Variants in SGCZ observed in about 807,000 individuals in gnomAD.
SGCZ encodes the protein sarcoglycan zeta.
SGCZ carries 40 observed loss-of-function variants against 41.3 expected under a neutral mutation model. The ratio of observed to expected loss-of-function variants is 0.97; its 90% confidence interval spans 0.75 to 1.26. SGCZ has a LOEUF of 1.26. SGCZ is among the 50% of genes most tolerant of loss of function. The pLI is 0.00. For missense variants in SGCZ, 552 were observed against 369.8 expected, an observed-to-expected ratio of 1.49 and a Z score of -4.04; for synonymous variants, 206 against 137.5, an observed-to-expected ratio of 1.50 and a Z score of -3.49.
intron 4 of SGCZ, among the ~76,000 whole-genome samples, chr8:14,221,395 T>G (rs1233712171): frequency 6.6e-6 from 1 of 152,186 alleles, no homozygotes; most frequent in African/African-American, 2.4e-5. Context: ...GGAGAGGCAA[T>G]TGTTGTTTTT....
intron 1 of SGCZ, among the ~76,000 whole-genome samples, chr8:15,192,411 G>C (rs7015348): frequency 3.3e-5 from 5 of 151,988 alleles, no homozygotes; most frequent in Admixed American, 3.3e-4. Flanking sequence ...AGTTTGTTTC[G>C]TTTTAGTACA....
chr8:14,675,550 T>A (rs1808248793), intron 1 of SGCZ, among the ~76,000 whole-genome samples: 1 of 152,090 alleles, frequency 6.6e-6, no homozygotes, highest in Non-Finnish European at 1.5e-5. Flanking sequence ...TATAGATTCC[T>A]CAATTTATAT....
chr8:15,193,719 C>T (rs1456135544), intron 1 of SGCZ, among the ~76,000 whole-genome samples: 2 of 151,370 alleles, frequency 1.3e-5, no homozygotes, highest in Non-Finnish European at 2.9e-5. Flanking sequence ...TTAGTAGCTA[C>T]TGTTGAGTTG....
At chr8:14,252,128 T>C (rs1314658020) in intron 3 of SGCZ, among the ~76,000 whole-genome samples, 1 of 152,178 alleles carries the variant, frequency 6.6e-6, no homozygotes, top group Non-Finnish European at 1.5e-5. Context: ...GTGTTATATC[T>C]TCCTTCATTC....
At chr8:14,796,841 C>A (rs1801148480) in intron 1 of SGCZ, among the ~76,000 whole-genome samples, 1 of 152,084 alleles carries the variant, frequency 6.6e-6, no homozygotes, top group Non-Finnish European at 1.5e-5. Flanking sequence ...ATGCTACTCT[C>A]AAGAGGGTGA....
chr8:15,031,902 C>CCTCTCTCTCTCTCTCTCTCTCT (rs751690018), intron 1 of SGCZ, among the ~76,000 whole-genome samples: 5 of 130,854 alleles, frequency 3.8e-5, no homozygotes, highest in East Asian at 2.3e-4. Flanking sequence ...CCTCTATATT[C>CCTCTCTCTCTCTCTCTCTCTCT]CTCTCTCTCT....
At chr8:14,113,444 T>G (rs528735629) in intron 5 of SGCZ, among the ~76,000 whole-genome samples, 1 of 152,092 alleles carries the variant, frequency 6.6e-6, no homozygotes, top group African/African-American at 2.4e-5. Context: ...TGAAGATACA[T>G]TCCTTATATG....
chr8:14,839,636 C>T (rs985412775), intron 1 of SGCZ, among the ~76,000 whole-genome samples: 1 of 152,092 alleles, frequency 6.6e-6, no homozygotes, highest in Non-Finnish European at 1.5e-5. Context: ...AACGCTCTTC[C>T]TCCCTGATAT....
intron 4 of SGCZ, among the ~76,000 whole-genome samples, chr8:14,198,655 T>C (rs1805356161): frequency 6.6e-6 from 1 of 152,142 alleles, no homozygotes; most frequent in African/African-American, 2.4e-5. Context: ...ACCTAGTTGT[T>C]ATAAAATTGT....
intron 3 of SGCZ, among the ~76,000 whole-genome samples, chr8:14,298,613 G>A (rs962089210): frequency 1.3e-5 from 2 of 151,684 alleles, no homozygotes; most frequent in African/African-American, 2.4e-5. Flanking sequence ...TATATACTCA[G>A]AACAAAATTT....
intron 1 of SGCZ, among the ~76,000 whole-genome samples, chr8:14,603,597 A>T (rs912807455): frequency 5.9e-5 from 9 of 152,196 alleles, no homozygotes; most frequent in Admixed American, 3.3e-4. Flanking sequence ...TTTTTTTAAA[A>T]TAAAAATTTA....
At chr8:14,408,125 G>C (rs764822851) in intron 2 of SGCZ, among the ~76,000 whole-genome samples, 2 of 152,040 alleles carry the variant, frequency 1.3e-5, no homozygotes, top group Non-Finnish European at 2.9e-5. Flanking sequence ...AGCATGTGTA[G>C]GGCAGAGTAG....
chr8:15,068,123 C>T (rs1212950513), intron 1 of SGCZ, among the ~76,000 whole-genome samples: 1 of 152,148 alleles, frequency 6.6e-6, no homozygotes, highest in Non-Finnish European at 1.5e-5. Context: ...TCTTCATGAA[C>T]TTTGAAACTC....
chr8:14,336,247 C>A (rs753976070), intron 2 of SGCZ, among the ~76,000 whole-genome samples: 6 of 152,120 alleles, frequency 3.9e-5, no homozygotes, highest in Non-Finnish European at 5.9e-5. Context: ...GACATGATAT[C>A]ATTCTTATTT....
intron 4 of SGCZ, among the ~76,000 whole-genome samples, chr8:14,175,340 G>T (rs1265704311): frequency 6.6e-6 from 1 of 151,974 alleles, no homozygotes; most frequent in Non-Finnish European, 1.5e-5. Context: ...TCAGAGACAT[G>T]GGAAGGAATT....
At chr8:14,488,802 T>C (rs768295339) in intron 2 of SGCZ, among the ~76,000 whole-genome samples, 21 of 151,562 alleles carry the variant, frequency 1.4e-4, no homozygotes, top group Non-Finnish European at 2.5e-4. Flanking sequence ...TGCAATAATC[T>C]TGACCTCTTT....
intron 1 of SGCZ, among the ~76,000 whole-genome samples, chr8:15,216,992 G>A (rs890148383): frequency 3.9e-5 from 6 of 152,036 alleles, no homozygotes; most frequent in East Asian, 1.9e-4. Flanking sequence ...TCTTTCAGGG[G>A]AATGGATAGA....
At chr8:14,437,924 A>G (rs1585512489) in intron 2 of SGCZ, among the ~76,000 whole-genome samples, 1 of 151,914 alleles carries the variant, frequency 6.6e-6, no homozygotes, top group Non-Finnish European at 1.5e-5. Context: ...AAGCTAGATG[A>G]TTACCGATTT....
At chr8:14,883,991 C>G (rs1329070403) in intron 1 of SGCZ, among the ~76,000 whole-genome samples, 1 of 151,966 alleles carries the variant, frequency 6.6e-6, no homozygotes, top group Non-Finnish European at 1.5e-5. Context: ...GAATAGCAAT[C>G]AAGTAACAAC....
Sources: gnomAD v4.1 joint callset for allele counts (sites outside exome capture counted in the v4.1 genomes callset) on GRCh38, gnomAD v4.1.1 for gene constraint, MANE v1.5 for transcripts, NCBI Gene and HGNC (gene_info 2026-07-23, HGNC 2026-07-21) for gene names.